GPC6: variants seen among roughly 807,000 people sequenced by gnomAD.
GPC6 encodes the protein glypican-6.
Under a neutral mutation model 55.2 loss-of-function variants are expected in GPC6, and 14 were observed. That is an observed-to-expected ratio of 0.25 (90% CI 0.17 to 0.40). The LOEUF is 0.40. Ranked by LOEUF, GPC6 falls within the 10% of genes least tolerant of loss-of-function variation. GPC6 has a pLI of 1.00. For synonymous variants in GPC6, 278 were observed against 259.6 expected, an observed-to-expected ratio of 1.07 and a Z score of -0.68; for missense variants, 641 against 708.5, an observed-to-expected ratio of 0.90 and a Z score of 1.08.
chr13:94,050,765 G>A (rs137940838), intron 4 of GPC6, among the ~76,000 whole-genome samples: 7 of 152,180 alleles, frequency 4.6e-5, no homozygotes, highest in African/African-American at 1.7e-4. Context: ...TTACTGAGAG[G>A]GGAAAACAGG....
At chr13:93,831,498 G>A (rs929786870) in intron 3 of GPC6, among the ~76,000 whole-genome samples, 2 of 151,884 alleles carry the variant, frequency 1.3e-5, no homozygotes, top group Non-Finnish European at 2.9e-5. Flanking sequence ...TCTATTGGAG[G>A]GCTGTGCCAA....
At chr13:93,573,608 G>A (rs1255217208) in intron 2 of GPC6, among the ~76,000 whole-genome samples, 1 of 151,968 alleles carries the variant, frequency 6.6e-6, no homozygotes, top group Non-Finnish European at 1.5e-5. Context: ...CACGTAAGTC[G>A]ATAAAATGAG....
intron 7 of GPC6, 147 bp from the exon 8 acceptor site, chr13:94,398,319 G>T: frequency 1.5e-5 from 10 of 655,488 alleles, no homozygotes; most frequent in South Asian, 1.5e-4. Flanking sequence ...TCACTATTTG[G>T]CATTTTTTTT....
chr13:93,789,427 C>CT (rs1009671473), intron 2 of GPC6, among the ~76,000 whole-genome samples: 1 of 146,996 alleles, frequency 6.8e-6, no homozygotes, highest in African/African-American at 2.5e-5. Context: ...CAGTAGAGGA[C>CT]TTAAATATGT....
chr13:93,406,825 T>C (rs1375945497), intron 1 of GPC6, among the ~76,000 whole-genome samples: 1 of 152,162 alleles, frequency 6.6e-6, no homozygotes, highest in Non-Finnish European at 1.5e-5. Flanking sequence ...GTACGGAGCA[T>C]GAGCTATTTC....
At chr13:93,258,175 G>C (rs1877017634) in intron 1 of GPC6, among the ~76,000 whole-genome samples, 1 of 152,132 alleles carries the variant, frequency 6.6e-6, no homozygotes, top group Non-Finnish European at 1.5e-5. Flanking sequence ...AATTCCAGAT[G>C]CTTGCTTTCC....
intron 4 of GPC6, among the ~76,000 whole-genome samples, chr13:94,077,975 T>G (rs1884975449): frequency 6.6e-6 from 1 of 151,878 alleles, no homozygotes; most frequent in African/African-American, 2.4e-5. Flanking sequence ...TCTTTCTAAG[T>G]GCATGCGGAA....
intron 4 of GPC6, among the ~76,000 whole-genome samples, chr13:94,107,577 C>CTT (rs35080088): frequency 4.9e-5 from 7 of 142,876 alleles, no homozygotes; most frequent in African/African-American, 1.6e-4. Context: ...ATTTCTTTCT[C>CTT]TTTTTTTTTT....
rs191980756 is a variant in GPC6 at position 93,316,740 on chromosome 13, A to G, written c.160+89124A>G. On this transcript the variant is annotated intron_variant, in intron 1 of 8. Transcript: ENST00000377047. ...AATTAGCCTTATACCAAAGTATTTT[A>G]CTTTGATAAATCAGAGCTCATGAGC... is the stretch of plus-strand genomic sequence containing the variant. Among the ~76,000 whole-genome samples, 435 of 152,242 alleles carry G rather than the reference A, an allele frequency of 2.9e-3. 3 individuals are homozygous for G. Among genetic ancestry groups the G allele is most frequent in the South Asian group, 0.015 (72 of 4,826 alleles).
chr13:94,173,519 G>T (rs911076570), intron 4 of GPC6, among the ~76,000 whole-genome samples: 1 of 152,118 alleles, frequency 6.6e-6, no homozygotes, highest in East Asian at 1.9e-4. Flanking sequence ...TGAAAAAGAT[G>T]ACCTCAAGGG....
chr13:94,010,204 C>T (rs1172738837), intron 3 of GPC6, among the ~76,000 whole-genome samples: 5 of 151,962 alleles, frequency 3.3e-5, no homozygotes, highest in Non-Finnish European at 7.4e-5. Context: ...AAAGTAAATG[C>T]CAATAAAAAT....
At chr13:94,398,028 G>T (rs534931596) in intron 7 of GPC6, among the ~76,000 whole-genome samples, 1 of 151,808 alleles carries the variant, frequency 6.6e-6, no homozygotes, top group East Asian at 1.9e-4. Context: ...CACCATGTGA[G>T]ATGTGCCTTT....
intron 1 of GPC6, among the ~76,000 whole-genome samples, chr13:93,306,236 A>G (rs1414799651): frequency 6.6e-6 from 1 of 152,318 alleles, no homozygotes; most frequent in South Asian, 2.1e-4. Flanking sequence ...GTAAAGACAA[A>G]TGATAATGAA....
rs555998173 is a variant in GPC6, at chr13:93,945,710, TGTC to T, written c.712-82016_712-82014del. ...CAGAAGTTGTGGATGAGAATTCTGT[TGTC>T]GTATATGATTTGTCCACTGCCCATT... On this transcript the variant is annotated intron_variant, in intron 3 of 8. Coordinates refer to ENST00000377047, the MANE Select transcript of GPC6 (RefSeq NM_005708.5). Among the ~76,000 whole-genome samples the T allele has an allele frequency of 6.6e-5, 10 of 152,322 alleles. No individual in the cohort carries two copies. In the South Asian group the frequency reaches 2.1e-3, roughly 32 times the overall value.
intron 1 of GPC6, among the ~76,000 whole-genome samples, chr13:93,382,781 A>G (rs951385249): frequency 6.6e-6 from 1 of 152,222 alleles, no homozygotes; most frequent in Non-Finnish European, 1.5e-5. Context: ...TCAAAGAAAC[A>G]TTGAATAATG....
chr13:93,833,105 G>GAT (rs1388149287), intron 3 of GPC6, among the ~76,000 whole-genome samples: 12 of 55,622 alleles, frequency 2.2e-4, no homozygotes, highest in Non-Finnish European at 3.8e-4. Context: ...ATAGGTAGAT[G>GAT]ATAGAGAGAG....
chr13:93,497,654 G>A (rs1341679111), intron 1 of GPC6, among the ~76,000 whole-genome samples: 1 of 152,172 alleles, frequency 6.6e-6, no homozygotes, highest in Admixed American at 6.5e-5. Context: ...TGAAGCTGAA[G>A]GACAATTGAT....
chr13:94,169,610 T>A (rs548442412), intron 4 of GPC6, among the ~76,000 whole-genome samples: 41 of 137,900 alleles, frequency 3.0e-4, no homozygotes, highest in African/African-American at 1.2e-3. Flanking sequence ...GAGATGTGAC[T>A]GACTCTTCCA....
rs573937005 is a variant in GPC6 at position 93,244,154 on chromosome 13, C to T, written c.160+16538C>T. Reference sequence around the variant, plus strand: ...TTTCAGAGAGGAATGGAACCACTTTCGCTGCATAAAAGAGTCCACGCTGGG... The same window carrying T: ...TTTCAGAGAGGAATGGAACCACTTTTGCTGCATAAAAGAGTCCACGCTGGG... On this transcript the variant is annotated intron_variant, in intron 1 of 8. Coordinates refer to ENST00000377047, the MANE Select transcript of GPC6 (RefSeq NM_005708.5). 2.0e-5 allele frequency among the ~76,000 whole-genome samples: 3 copies of T among 152,200 alleles called. No homozygotes were observed. The South Asian group carries it at 6.2e-4, about 32-fold the overall frequency.
Sources: gnomAD v4.1 joint callset for allele counts (sites outside exome capture counted in the v4.1 genomes callset) on GRCh38, gnomAD v4.1.1 for gene constraint, MANE v1.5 for transcripts, NCBI Gene and HGNC (gene_info 2026-07-23, HGNC 2026-07-21) for gene names.